Variants in ZEB1 observed in about 807,000 individuals in gnomAD.
ZEB1 encodes zinc finger E-box-binding homeobox 1.
In ZEB1, 21 loss-of-function variants were observed where a neutral mutation model predicts 84.9. The observed-to-expected ratio is 0.25, with a 90% CI of 0.18 to 0.36. ZEB1 has a LOEUF of 0.36. Ranked by LOEUF, ZEB1 falls within the 10% of genes least tolerant of loss-of-function variation. The pLI is 1.00. For missense variants in ZEB1, 1,104 were observed against 1,330.2 expected, an observed-to-expected ratio of 0.83 and a Z score of 2.65; for synonymous variants, 420 against 471.1, an observed-to-expected ratio of 0.89 and a Z score of 1.41.
chr10:31,415,753 C>A (rs1408366775), intron 1 of ZEB1, among the ~76,000 whole-genome samples: 1 of 151,954 alleles, frequency 6.6e-6, no homozygotes, highest in Non-Finnish European at 1.5e-5. Context: ...TTTTTGCCTT[C>A]TAAAGGGCAA....
At chr10:31,328,986 C>A (rs2036180768) in intron 1 of ZEB1, among the ~76,000 whole-genome samples, 1 of 151,484 alleles carries the variant, frequency 6.6e-6, no homozygotes, top group South Asian at 2.1e-4. Context: ...AAGTTAAAAC[C>A]ATACCCTGGT....
chr10:31,497,892 G>A (rs954436736), intron 3 of ZEB1, among the ~76,000 whole-genome samples: 1 of 151,314 alleles, frequency 6.6e-6, no homozygotes, highest in Non-Finnish European at 1.5e-5. Context: ...AAGATAAGAG[G>A]AAGCCTGAGG....
At chr10:31,335,602 A>G (rs1453549439) in intron 1 of ZEB1, among the ~76,000 whole-genome samples, 1 of 152,182 alleles carries the variant, frequency 6.6e-6, no homozygotes, top group Admixed American at 6.5e-5. Context: ...GTAAATGAGA[A>G]GGCCCCTTTC....
intron 1 of ZEB1, among the ~76,000 whole-genome samples, chr10:31,451,578 T>C (rs1484541318): frequency 1.3e-5 from 2 of 152,248 alleles, no homozygotes; most frequent in Non-Finnish European, 2.9e-5. Context: ...AAATATTAGT[T>C]ATAGGTAATT....
chr10:31,335,209 G>A (rs538766995), intron 1 of ZEB1, among the ~76,000 whole-genome samples: 5 of 152,080 alleles, frequency 3.3e-5, no homozygotes, highest in East Asian at 1.9e-4. Flanking sequence ...TAAATTGTAC[G>A]CCCAGGATGT....
At chr10:31,489,866 T>G (rs2138801625) in intron 2 of ZEB1, among the ~76,000 whole-genome samples, 1 of 151,614 alleles carries the variant, frequency 6.6e-6, no homozygotes, top group South Asian at 2.1e-4. Flanking sequence ...ATGACAGTCT[T>G]CCTTTAGTAA....
At chr10:31,397,226 G>A (rs1443336133) in intron 1 of ZEB1, among the ~76,000 whole-genome samples, 1 of 146,482 alleles carries the variant, frequency 6.8e-6, no homozygotes, top group Non-Finnish European at 1.5e-5. Flanking sequence ...GGGTACATGT[G>A]CACAACATCT....
At chr10:31,471,652 C>T (rs1297454233) in intron 2 of ZEB1, among the ~76,000 whole-genome samples, 39 of 147,744 alleles carry the variant, frequency 2.6e-4, no homozygotes, top group South Asian at 2.2e-4. Flanking sequence ...GACAGATCAA[C>T]GAGACAGAAG....
chr10:31,321,246 G>A, intron 1 of ZEB1: 1 of 1,246,594 alleles, frequency 8.0e-7, no homozygotes, highest in Middle Eastern at 3.2e-4. Flanking sequence ...TTTTTAAGCT[G>A]TTTCAAGATG....
chr10:31,526,319 G>A (rs1224295332), intron 8 of ZEB1, among the ~76,000 whole-genome samples: 1 of 152,190 alleles, frequency 6.6e-6, no homozygotes, highest in African/African-American at 2.4e-5. Context: ...TGAGCAGCAA[G>A]TCTGTCCCTG....
chr10:31,488,789 TTCTTA>T (rs1296254114), intron 2 of ZEB1, among the ~76,000 whole-genome samples: 1 of 151,202 alleles, frequency 6.6e-6, no homozygotes, highest in Non-Finnish European at 1.5e-5. Flanking sequence ...TTTGGAGATT[TTCTTA>T]TCTTTTTCCT....
At chr10:31,364,961 C>T (rs931764497) in intron 1 of ZEB1, among the ~76,000 whole-genome samples, 37 of 152,316 alleles carry the variant, frequency 2.4e-4, no homozygotes, top group African/African-American at 8.7e-4. Context: ...TCTACAAAGA[C>T]GTAGGGCAGG....
chr10:31,360,355 C>G (rs2042813006), intron 1 of ZEB1, among the ~76,000 whole-genome samples: 1 of 152,172 alleles, frequency 6.6e-6, no homozygotes, highest in Admixed American at 6.5e-5. Flanking sequence ...TTTGTATATA[C>G]TATCTCTCAC....
At chr10:31,364,025 A>G (rs1331127748) in intron 1 of ZEB1, among the ~76,000 whole-genome samples, 1 of 152,204 alleles carries the variant, frequency 6.6e-6, no homozygotes. Context: ...AACCAGGAAC[A>G]AAATACGCTT....
intron 1 of ZEB1, among the ~76,000 whole-genome samples, chr10:31,359,402 A>G (rs746124726): frequency 6.6e-6 from 1 of 152,078 alleles, no homozygotes; most frequent in Non-Finnish European, 1.5e-5. Flanking sequence ...AAAGGAGTAC[A>G]TTGGAGTAAC....
chr10:31,398,901 T>C (rs1469881102), intron 1 of ZEB1, among the ~76,000 whole-genome samples: 2 of 152,282 alleles, frequency 1.3e-5, no homozygotes, highest in Non-Finnish European at 2.9e-5. Context: ...TTGAGGCCTT[T>C]AAAACTGCAT....
intron 2 of ZEB1, among the ~76,000 whole-genome samples, chr10:31,468,697 C>G (rs978256012): frequency 6.6e-6 from 1 of 152,120 alleles, no homozygotes; most frequent in African/African-American, 2.4e-5. Context: ...CCTTGGCCCC[C>G]TAAAAGCACG....
intron 1 of ZEB1, among the ~76,000 whole-genome samples, chr10:31,381,386 A>C (rs2047602426): frequency 6.6e-6 from 1 of 152,202 alleles, no homozygotes; most frequent in African/African-American, 2.4e-5. Context: ...AATATCTAGC[A>C]ATACATTTGA....
chr10:31,471,696 C>G (rs1376340342), intron 2 of ZEB1, among the ~76,000 whole-genome samples: 1 of 146,756 alleles, frequency 6.8e-6, no homozygotes, highest in African/African-American at 2.6e-5. Context: ...GAACTCAGCT[C>G]TGCACCAAGC....
Sources: allele counts gnomAD v4.1 joint callset (sites outside exome capture counted in the v4.1 genomes callset), GRCh38; gene constraint gnomAD v4.1.1; transcripts MANE v1.5; gene names NCBI Gene and HGNC (gene_info 2026-07-23, HGNC 2026-07-21).